The following ARHGAP32 variants were observed in gnomAD, a reference collection of about 807,000 sequenced individuals.
The protein encoded by ARHGAP32 is Rho GTPase activating protein 32.
Under a neutral mutation model 186.5 loss-of-function variants are expected in ARHGAP32, and 51 were observed. The ratio of observed to expected loss-of-function variants is 0.27; its 90% CI spans 0.22 to 0.35. ARHGAP32 has a LOEUF of 0.35. Among genes scored for constraint, ARHGAP32 ranks in the 10% least tolerant of loss-of-function variants. The pLI is 1.00. For missense variants in ARHGAP32, 2,186 were observed against 2,623.5 expected (o/e 0.83, Z 3.64); for synonymous variants, 950 against 964.3 (o/e 0.99, Z 0.27).
intron 5 of ARHGAP32, among the ~76,000 whole-genome samples, chr11:129,109,190 A>G (rs781096013): frequency 1.2e-4 from 18 of 152,158 alleles, no homozygotes; most frequent in Non-Finnish European, 2.5e-4. Context: ...ACTTCACATG[A>G]TGACCTTCAG....
intron 1 of ARHGAP32, among the ~76,000 whole-genome samples, chr11:129,206,921 C>A (rs1350446900): frequency 1.3e-5 from 2 of 152,036 alleles, no homozygotes; most frequent in Non-Finnish European, 2.9e-5. Flanking sequence ...CACCCCCCAA[C>A]AGGCCCCGGT....
At chr11:129,136,941 C>T (rs1942947772) in intron 2 of ARHGAP32, among the ~76,000 whole-genome samples, 1 of 151,774 alleles carries the variant, frequency 6.6e-6, no homozygotes, top group Non-Finnish European at 1.5e-5. Flanking sequence ...TACAAAATGC[C>T]ATATGCATCC....
At chr11:129,099,899 G>T (rs925824842) in intron 5 of ARHGAP32, among the ~76,000 whole-genome samples, 1 of 152,060 alleles carries the variant, frequency 6.6e-6, no homozygotes, top group Non-Finnish European at 1.5e-5. Flanking sequence ...TAGGCTGAAG[G>T]GGGAGAAAGC....
At position 128,970,087 on chromosome 11, in the gene ARHGAP32, C is replaced by T; in HGVS notation, c.5126G>A (p.Arg1709Lys). The T allele has an allele frequency of 6.2e-7, 1 of 1,614,128 alleles. No individual in the cohort carries two copies. Among genetic ancestry groups the T allele is most frequent in the Non-Finnish European group, 8.5e-7 (1 of 1,180,030 alleles). Reference protein sequence around the residue: ...PNRDFAFYNPRLQGKSLYSYA... With the variant: ...PNRDFAFYNPKLQGKSLYSYA... ...ACTGTACAAGCTCTTTCCTTGCAGC[C>T]TAGGATTGTAGAAAGCAAAGTCTCG... The change falls in exon 23 of 23, where the codon AGG (arginine) becomes AAG (lysine). Residue 1709 changes from arginine to lysine, a missense_variant. Around this residue, in one of 5 missense-constraint regions of ARHGAP32, gnomAD observed 1,502 missense variants for 1,570.0 expected, o/e 0.96. Transcript: ENST00000682385. The surrounding 1 kb of genome is among the most constrained non-coding windows in gnomAD (Gnocchi z 5.8).
intron 10 of ARHGAP32, among the ~76,000 whole-genome samples, chr11:129,049,715 A>G (rs547956759): frequency 3.9e-4 from 60 of 152,248 alleles, no homozygotes; most frequent in African/African-American, 1.4e-3. Flanking sequence ...TCAACTGTGT[A>G]TTCCTTTCAT....
intron 5 of ARHGAP32, among the ~76,000 whole-genome samples, chr11:129,120,142 C>CA (rs1942481911): frequency 6.6e-6 from 1 of 152,058 alleles, no homozygotes; most frequent in African/African-American, 2.4e-5. Flanking sequence ...AGCAGAGAAG[C>CA]AGGTGGGCAT....
In ARHGAP32 at chr11:128,971,072, C is replaced by T; in HGVS notation, c.4141G>A (p.Ala1381Thr). 3 of 1,614,200 alleles carry T rather than the reference C, an allele frequency of 1.9e-6. No homozygotes were observed. Among genetic ancestry groups the T allele is most frequent in the Non-Finnish European group, 2.5e-6 (3 of 1,180,038 alleles). ...PASAFISDSG[A>T]AAAQCPMATA... The stretch of plus-strand genomic sequence containing the variant: ...GCCATGGGACACTGAGCAGCAGCAG[C>T]ACCACTGTCACTGATGAAGGCAGAC... Residue 1381 changes from alanine (A) to threonine (T), a missense_variant, in exon 23 of 23, where the codon GCT becomes ACT. By Grantham distance (58) the Ala-to-Thr change is moderately conservative. Coordinates refer to ENST00000682385, the MANE Select transcript of ARHGAP32 (RefSeq NM_001378024.1).
At chr11:129,095,315 C>T (rs1280658513) in intron 5 of ARHGAP32, among the ~76,000 whole-genome samples, 2 of 152,102 alleles carry the variant, frequency 1.3e-5, no homozygotes, top group Non-Finnish European at 2.9e-5. Flanking sequence ...AAGGAGAAGC[C>T]AGCCAAACCT....
At chr11:129,192,433 C>T (rs1412943410), upstream of ARHGAP32, among the ~76,000 whole-genome samples, 1 of 152,124 alleles carries the variant, frequency 6.6e-6, no homozygotes, top group Non-Finnish European at 1.5e-5. Context: ...CCTTAGGCTG[C>T]GTGACCTACA....
chr11:129,002,027 T>A (rs1946372890), intron 11 of ARHGAP32, among the ~76,000 whole-genome samples: 1 of 152,202 alleles, frequency 6.6e-6, no homozygotes, highest in South Asian at 2.1e-4. Context: ...TAATCTGAAG[T>A]CAGGTAATGT....
chr11:129,105,810 A>C (rs910539175), intron 5 of ARHGAP32, among the ~76,000 whole-genome samples: 1 of 152,218 alleles, frequency 6.6e-6, no homozygotes, highest in South Asian at 2.1e-4. Flanking sequence ...TGAGAAGTCT[A>C]TATATGGGAC....
Position 129,171,575 on chromosome 11 carries a change from G to A in ARHGAP32, c.117-7148C>T, listed in dbSNP as rs192984007. Reference sequence around the variant, plus strand: ...ACCCTGCTGTTTTGGTTACGGTAGCGTTGTAGTATAGTTTGAAGTCAGGTA... The same window carrying A: ...ACCCTGCTGTTTTGGTTACGGTAGCATTGTAGTATAGTTTGAAGTCAGGTA... On this transcript the variant is annotated intron_variant, in intron 1 of 22. Coordinates refer to ENST00000682385, the MANE Select transcript of ARHGAP32 (RefSeq NM_001378024.1). 1.2e-4 allele frequency among the ~76,000 whole-genome samples: 18 copies of A among 152,102 alleles called. No individual in the cohort carries two copies. The East Asian group carries it at 2.1e-3, about 18-fold the overall frequency.
At chr11:129,255,685 C>T (rs1945245695) in intron 1 of ARHGAP32, among the ~76,000 whole-genome samples, 1 of 151,844 alleles carries the variant, frequency 6.6e-6, no homozygotes. Context: ...GACAAATGAC[C>T]CAACAGAAAA....
chr11:128,984,198 A>G (rs1945796668), intron 15 of ARHGAP32, among the ~76,000 whole-genome samples: 1 of 151,902 alleles, frequency 6.6e-6, no homozygotes, highest in East Asian at 1.9e-4. Flanking sequence ...ACATGGCAAA[A>G]CCCCAACTCT....
chr11:128,970,375 A>C lies in ARHGAP32; in HGVS notation c.4838T>G (p.Ile1613Ser), dbSNP rs1408422383. 1 of 1,614,154 alleles carries C rather than the reference A, an allele frequency of 6.2e-7. No individual in the cohort carries two copies. The highest frequency in any genetic ancestry group is 8.5e-7 in the Non-Finnish European group (1 of 1,180,028). ...PPSSMIRSVP[I>S]SRTEVPPDDE... The stretch of plus-strand genomic sequence containing the variant: ...ATCTGGGGGAACTTCTGTCCGTGAA[A>C]TGGGAACAGAGCGAATCATGGAAGA... Residue 1613 changes from isoleucine (I) to serine (S), a missense_variant, in exon 23 of 23, where the codon ATT becomes AGT. Ile to Ser is a moderately radical substitution (Grantham distance 142). Transcript: ENST00000682385. This position sits in a 1 kb window ranked among gnomAD's most constrained non-coding sequence, Gnocchi z 5.8.
intron 15 of ARHGAP32, among the ~76,000 whole-genome samples, chr11:128,982,476 T>A (rs1945732318): frequency 7.6e-6 from 1 of 132,288 alleles, no homozygotes; most frequent in African/African-American, 3.0e-5. Context: ...GTAAGTGCCG[T>A]GTGTGTGTGT....
At chr11:129,047,832 G>A (rs1939878428) in intron 10 of ARHGAP32, among the ~76,000 whole-genome samples, 1 of 152,142 alleles carries the variant, frequency 6.6e-6, no homozygotes, top group African/African-American at 2.4e-5. Context: ...CAATTAGTTT[G>A]TCTGCTATGA....
At chr11:129,117,095 G>A (rs1350203391) in intron 5 of ARHGAP32, among the ~76,000 whole-genome samples, 9 of 152,008 alleles carry the variant, frequency 5.9e-5, no homozygotes, top group Middle Eastern at 3.4e-3. Context: ...TTAAAGATGC[G>A]AGATACTCTA....
rs530996190 is a variant in ARHGAP32, at chr11:128,977,801, G to A, written c.2122+969C>T. ...AAGTAATCCTCCTGCTTCAGCCTCC[G>A]GAGTAGCTAAGCCTAGAGGTATGTG... On this transcript the variant is annotated intron_variant, in intron 19 of 22. Coordinates refer to ENST00000682385, the MANE Select transcript of ARHGAP32 (RefSeq NM_001378024.1). Among the ~76,000 whole-genome samples, 10 of 151,508 alleles carry A rather than the reference G, an allele frequency of 6.6e-5. No individual in the cohort carries two copies. The South Asian group carries it at 1.7e-3, about 25-fold the overall frequency.
Sources: allele counts gnomAD v4.1 joint callset (sites outside exome capture counted in the v4.1 genomes callset), GRCh38; gene constraint gnomAD v4.1.1; regional missense constraint gnomAD v4.1.1; non-coding constraint Gnocchi (gnomAD v3.1); transcripts MANE v1.5; gene names NCBI Gene and HGNC (gene_info 2026-07-23, HGNC 2026-07-21).